The following MYO7A variants were observed in gnomAD, a reference collection of about 807,000 sequenced individuals.
The protein encoded by MYO7A is unconventional myosin-VIIa.
A neutral mutation model predicts 263.8 loss-of-function variants in MYO7A; 210 were observed. That is an observed-to-expected ratio of 0.80 (90% CI 0.71 to 0.89). MYO7A has a LOEUF of 0.89. Ranked by LOEUF, MYO7A falls within the 40% of genes least tolerant of loss-of-function variation. MYO7A has a pLI of 0.00. For missense variants in MYO7A, 2,820 were observed against 2,968.3 expected, an observed-to-expected ratio of 0.95 and a Z score of 1.16; for synonymous variants, 1,239 against 1,197.3, an observed-to-expected ratio of 1.03 and a Z score of -0.72.
intron 2 of MYO7A, among the ~76,000 whole-genome samples, chr11:77,135,581 A>G (rs1370809470): frequency 6.6e-6 from 1 of 152,338 alleles, no homozygotes; most frequent in East Asian, 1.9e-4. Context: ...TTTTGAGTAT[A>G]TATCCAGAAG....
intron 4 of MYO7A, among the ~76,000 whole-genome samples, chr11:77,154,778 G>A (rs1469853049): frequency 6.6e-6 from 1 of 152,136 alleles, no homozygotes; most frequent in Non-Finnish European, 1.5e-5. Flanking sequence ...CCAGAGAAGG[G>A]CAGTTTCTGG....
At chr11:77,156,323 T>G (rs989535710) in intron 5 of MYO7A, among the ~76,000 whole-genome samples, 8 of 152,256 alleles carry the variant, frequency 5.3e-5, no homozygotes, top group African/African-American at 1.9e-4. Context: ...AGGCCAGCCT[T>G]GTTTACTGCT....
intron 4 of MYO7A, among the ~76,000 whole-genome samples, chr11:77,150,244 A>G (rs1243586164): frequency 3.9e-5 from 6 of 152,242 alleles, no homozygotes; most frequent in African/African-American, 1.4e-4. Flanking sequence ...GTGTCTCAGC[A>G]TAGCTCAGGG....
chr11:77,165,933 C>G (rs564931922), intron 14 of MYO7A, 123 bp from the exon 15 acceptor site: 2 of 686,852 alleles, frequency 2.9e-6, no homozygotes, highest in South Asian at 3.5e-5. Context: ...CCTCAGGGCC[C>G]CCGTCATGAA....
intron 14 of MYO7A, among the ~76,000 whole-genome samples, chr11:77,163,516 T>C (rs1210944957): frequency 2.0e-5 from 3 of 152,220 alleles, no homozygotes; most frequent in Non-Finnish European, 4.4e-5. Context: ...CTGTACAGCA[T>C]GTTCTTGTAC....
chr11:77,162,135 C>T lies in MYO7A; in HGVS notation c.1359C>T (p.Cys453=), dbSNP rs1555069272. The T allele has an allele frequency of 6.2e-7, 1 of 1,601,278 alleles. No individual in the cohort carries two copies. The highest frequency in any genetic ancestry group is 8.5e-7 in the Non-Finnish European group (1 of 1,174,008). ...GCCCCTGCAGCTTTGAGCAGCTCTG[C>T]ATCAACTTCGCCAATGAGCACCTGC... ...NFAVNSFEQL[C]INFANEHLQQ... is the part of the protein sequence containing the mutation. The change falls in exon 13 of 49, where the codon TGC becomes TGT. Residue 453 remains cysteine, a synonymous_variant. Transcript: ENST00000409709.
At chr11:77,182,676 C>T (rs546616732) in intron 25 of MYO7A, 76 bp downstream of exon 25, 1 of 1,485,740 alleles carries the variant, frequency 6.7e-7, no homozygotes, top group South Asian at 1.2e-5. Flanking sequence ...CAGCCTTGGG[C>T]TCCTCTGCAG....
chr11:77,180,295 G>T, intron 21 of MYO7A, 79 bp from the exon 22 acceptor site: 2 of 1,206,832 alleles, frequency 1.7e-6, no homozygotes, highest in Non-Finnish European at 2.4e-6. Context: ...ACTCAGAGTT[G>T]GGTGGGTGGA....
chr11:77,157,949 G>T lies in MYO7A; in HGVS notation c.850-328G>T, dbSNP rs114475340. On this transcript the variant is annotated intron_variant, in intron 8 of 48. Transcript: ENST00000409709. The stretch of plus-strand genomic sequence containing the variant: ...TGATAGTGGGTATCCCCGGGGGGCT[G>T]CAGGAGCCTAGTAGGGCCTAAGTGC... Among the ~76,000 whole-genome samples, 448 of 152,310 alleles carry T rather than the reference G, an allele frequency of 2.9e-3. 4 individuals carry two copies. The highest frequency in any genetic ancestry group is 9.7e-3 in the African/African-American group (403 of 41,574).
At chr11:77,201,262 G>A (rs970041742) in intron 35 of MYO7A, among the ~76,000 whole-genome samples, 186 bp from the exon 36 acceptor site, 18 of 152,226 alleles carry the variant, frequency 1.2e-4, no homozygotes, top group African/African-American at 3.1e-4. Flanking sequence ...ATGAGGAGCC[G>A]TGGAAGGCTT....
At chr11:77,166,289 G>C (rs1399535041) in intron 15 of MYO7A, 127 bp downstream of exon 15, 3 of 803,694 alleles carry the variant, frequency 3.7e-6, no homozygotes, top group Non-Finnish European at 4.2e-6. Context: ...GAGCTTTGCT[G>C]TGGCTCCAGG....
intron 47 of MYO7A, 59 bp from the exon 48 acceptor site, chr11:77,213,801 G>A: frequency 6.2e-7 from 1 of 1,612,132 alleles, no homozygotes; most frequent in Non-Finnish European, 8.5e-7. Flanking sequence ...GGGCATGTGT[G>A]GGCAAGTGAG....
chr11:77,177,511 G>A (rs1954745961), intron 18 of MYO7A, 38 bp from the exon 19 acceptor site: 1 of 1,528,518 alleles, frequency 6.5e-7, no homozygotes, highest in Non-Finnish European at 9.0e-7. Flanking sequence ...TCCTAGAGGA[G>A]ACCTTGTGGG....
rs1416302962 is a variant in MYO7A, at chr11:77,148,035, C to T, written c.285+85C>T. The T allele has an allele frequency of 5.6e-6, 7 of 1,241,422 alleles. No individual in the cohort carries two copies. In the East Asian group the frequency reaches 1.7e-4, roughly 30 times the overall value. The allele number at this position is 1,241,422 out of a possible 1,614,324, so 76.9% of individuals were successfully genotyped here. On this transcript the variant is annotated intron_variant, in intron 4 of 48. Transcript: ENST00000409709. ...CGCCCCACCCCGCCCGACTTGCCTC[C>T]GGCCCCGCCCTGCCGGGGCCCTGCC...
chr11:77,203,162 C>G lies in MYO7A; in HGVS notation c.5271C>G (p.Leu1757=). Residue 1757 remains leucine (L), a synonymous_variant, in exon 38 of 49, where the codon CTC becomes CTG. Coordinates refer to ENST00000409709, the MANE Select transcript of MYO7A (RefSeq NM_000260.4). ...GGGAACCGCTCAAGCAGGCGCTGCT[C>G]AAGAAGCTCCTGGGCAGTGAGGAGC... ...HTREPLKQAL[L]KKLLGSEELS... The G allele has an allele frequency of 6.4e-7, 1 of 1,551,640 alleles. No individual in the cohort carries two copies. Among genetic ancestry groups the G allele is most frequent in the South Asian group, 1.2e-5 (1 of 84,074 alleles).
chr11:77,161,167 A>C, intron 12 of MYO7A, 52 bp downstream of exon 12: 2 of 1,606,876 alleles, frequency 1.2e-6, no homozygotes, highest in Non-Finnish European at 1.7e-6. Flanking sequence ...TATGGAAATA[A>C]GAAATATCAC....
chr11:77,182,530 C>T lies in MYO7A; in HGVS notation c.3215C>T (p.Thr1072Ile), dbSNP rs543040893. The change falls in exon 25 of 49, where the codon ACC becomes ATC. Residue 1072 changes from threonine to isoleucine, a missense_variant. By Grantham distance (89) the Thr-to-Ile change is moderately conservative. Coordinates refer to ENST00000409709, the MANE Select transcript of MYO7A (RefSeq NM_000260.4). ...SDGSEKIPVM[T>I]KIYETLGKKT... ...GGCAGTGAGAAGATCCCTGTGATGA[C>T]CAAGATTTATGAGACCCTGGGCAAG... is the stretch of plus-strand genomic sequence containing the variant. 19 of 1,613,430 alleles carry T rather than the reference C, an allele frequency of 1.2e-5. No individual in the cohort carries two copies. The African/African-American group carries it at 2.5e-4, about 22-fold the overall frequency.
rs1955251445 is a variant in MYO7A at position 77,181,886 on chromosome 11, G to GCGAT, written c.2905-63_2905-60dup. The GCGAT allele has an allele frequency of 1.3e-6, 2 of 1,503,564 alleles. 1 individual carries two copies. 93.1% of individuals were successfully genotyped at this position (1,503,564 alleles called of 1,614,324 possible). A position where few individuals can be genotyped will look rare whatever the true frequency, so the allele number is the denominator to read the frequency against. On this transcript the variant is annotated intron_variant, in intron 23 of 48. Transcript: ENST00000409709. ...TGCAGCCTTGAACTTCTGGGCTCAG[G>GCGAT]CGATCCTCCCACCTGAGCTTCCTGA... is the stretch of plus-strand genomic sequence containing the variant.
chr11:77,140,791 A>G (rs1433443200), intron 2 of MYO7A, among the ~76,000 whole-genome samples: 1 of 152,222 alleles, frequency 6.6e-6, no homozygotes, highest in African/African-American at 2.4e-5. Flanking sequence ...CTCAGTAAAC[A>G]GTTCTCTTCC....
Sources: gnomAD v4.1 joint callset for allele counts (sites outside exome capture counted in the v4.1 genomes callset) on GRCh38, gnomAD v4.1.1 for gene constraint, MANE v1.5 for transcripts, NCBI Gene and HGNC (gene_info 2026-07-23, HGNC 2026-07-21) for gene names.